ATP13A3: variants seen among roughly 807,000 people sequenced by gnomAD.
The protein encoded by ATP13A3 is polyamine-transporting ATPase 13A3.
A neutral mutation model predicts 158.1 loss-of-function variants in ATP13A3; 59 were observed. The ratio of observed to expected loss-of-function variants is 0.37; its 90% CI spans 0.30 to 0.46. The LOEUF (loss-of-function observed/expected upper bound fraction) is 0.46. Among genes scored for constraint, ATP13A3 ranks in the 20% least tolerant of loss-of-function variants. The probability of loss-of-function intolerance (pLI) is 1.00; values close to 1 mark genes in which losing one functional copy is unlikely to be tolerated. For missense variants in ATP13A3, 1,166 were observed against 1,525.2 expected (o/e 0.76, Z 3.92); for synonymous variants, 491 against 504.3 (o/e 0.97, Z 0.35).
chr3:194,461,190 CT>C (rs985155805), intron 3 of ATP13A3, among the ~76,000 whole-genome samples: 3 of 150,608 alleles, frequency 2.0e-5, no homozygotes, highest in Non-Finnish European at 3.0e-5. Context: ...ATGAGGTGGG[CT>C]TTTTTTTTAA....
chr3:194,412,205 TG>T lies in ATP13A3; in HGVS notation c.3566del (p.Pro1189HisfsTer55), dbSNP rs1715490165. On this transcript the variant is annotated frameshift_variant, in exon 33 of 34. Transcript: ENST00000645319. LOFTEE classifies it high-confidence loss of function. ...QGEYRFSTTQ[P>X]PQESVDRWGK... Reference sequence around the variant, plus strand: ...GGAAGTGCTGAGTTCCAACCTGCGGTGGCTGTGTGGTGCTGAACCGATACTC... The same window carrying T: ...GGAAGTGCTGAGTTCCAACCTGCGGTGCTGTGTGGTGCTGAACCGATACTC... 6.5e-7 allele frequency: 1 copy of T among 1,536,080 alleles called. No individual in the cohort carries two copies. The highest frequency in any genetic ancestry group is 1.2e-5 in the South Asian group (1 of 84,052).
intron 29 of ATP13A3, among the ~76,000 whole-genome samples, chr3:194,426,648 GATATA>G (rs1442597117): frequency 6.6e-6 from 1 of 152,152 alleles, no homozygotes; most frequent in Non-Finnish European, 1.5e-5. Flanking sequence ...GCGTGACCGT[GATATA>G]CAGGCAAATA....
intron 31 of ATP13A3, among the ~76,000 whole-genome samples, chr3:194,414,300 T>C (rs1341362404): frequency 6.6e-6 from 1 of 151,896 alleles, no homozygotes; most frequent in Non-Finnish European, 1.5e-5. Flanking sequence ...TCGTCTCTAC[T>C]AAAAATACAA....
rs765663136 is a variant in ATP13A3, at chr3:194,448,476, T to C, written c.1131A>G (p.Lys377=). The C allele has an allele frequency of 1.9e-6, 3 of 1,614,070 alleles. No individual in the cohort carries two copies. Among genetic ancestry groups the C allele is most frequent in the Non-Finnish European group, 1.7e-6 (2 of 1,179,922 alleles). The change falls in exon 12 of 34, where the codon AAA becomes AAG. Residue 377 remains lysine (K), a synonymous_variant. Transcript: ENST00000645319. The surrounding 1 kb of genome is among the most constrained non-coding windows in gnomAD (Gnocchi z 4.0). The stretch of plus-strand genomic sequence containing the variant: ...TCCTACCTGTTCTAACAACTATGGC[T>C]TTGACGAGTTCTCCAGTGTAGAAAC... ...QTRFYTGELV[K]AIVVRTGFST... is the part of the protein sequence containing the mutation.
rs1019404156 is a variant in ATP13A3 at position 194,403,087 on chromosome 3, A to G, written c.*2832T>C. 6.6e-5 allele frequency: 10 copies of G among 152,232 alleles called. No homozygotes were observed. Among genetic ancestry groups the G allele is most frequent in the Non-Finnish European group, 1.0e-4 (7 of 68,028 alleles). 9.4% of individuals were successfully genotyped at this position (152,232 alleles called of 1,614,324 possible). A position where few individuals can be genotyped will look rare whatever the true frequency, so the allele number is the denominator to read the frequency against. On this transcript the variant is annotated 3_prime_UTR_variant, in exon 34 of 34. Transcript: ENST00000645319. ...AAAATTGCATGCATGAATATTTTCT[A>G]AAGCTTGAATTTTGCTCTTCACTGG...
intron 30 of ATP13A3, among the ~76,000 whole-genome samples, chr3:194,421,740 T>C (rs1490948587): frequency 2.6e-5 from 4 of 151,046 alleles, no homozygotes; most frequent in Admixed American, 2.6e-4. Flanking sequence ...TGGAAGTATA[T>C]AAAAACAGAA....
intron 30 of ATP13A3, among the ~76,000 whole-genome samples, chr3:194,421,798 C>T (rs541117035): frequency 7.2e-5 from 11 of 151,768 alleles, no homozygotes; most frequent in Non-Finnish European, 1.2e-4. Flanking sequence ...ATGGTCAGAA[C>T]ATAAATGGCA....
chr3:194,430,433 T>C, intron 24 of ATP13A3, 118 bp from the exon 25 acceptor site: 1 of 1,126,372 alleles, frequency 8.9e-7, no homozygotes, highest in Non-Finnish European at 1.3e-6. Flanking sequence ...ATTCCCCCAG[T>C]GGAACTATGA....
intron 33 of ATP13A3, among the ~76,000 whole-genome samples, chr3:194,410,359 G>A (rs1715314900): frequency 7.7e-6 from 1 of 130,352 alleles, no homozygotes; most frequent in Non-Finnish European, 1.6e-5. Context: ...GCATGCACCT[G>A]TAGTTCCATC....
At chr3:194,460,025 A>T in intron 4 of ATP13A3, 54 bp from the exon 5 acceptor site, 1 of 1,360,506 alleles carries the variant, frequency 7.4e-7, no homozygotes, top group Non-Finnish European at 1.0e-6. Flanking sequence ...AAAACTGCCT[A>T]TATTTTCATT....
intron 29 of ATP13A3, among the ~76,000 whole-genome samples, chr3:194,426,663 A>G (rs771382679): frequency 1.3e-5 from 2 of 152,218 alleles, no homozygotes; most frequent in Non-Finnish European, 2.9e-5. Context: ...ACAGGCAAAT[A>G]CAAGCCAAAT....
At chr3:194,493,374 G>A (rs967963820) in intron 2 of ATP13A3, among the ~76,000 whole-genome samples, 6 of 151,776 alleles carry the variant, frequency 4.0e-5, no homozygotes, top group Admixed American at 6.6e-5. Context: ...TTAGCTGAGC[G>A]CACGGCTCAC....
chr3:194,411,017 C>A (rs1715385531), intron 33 of ATP13A3, among the ~76,000 whole-genome samples: 1 of 151,176 alleles, frequency 6.6e-6, no homozygotes, highest in African/African-American at 2.4e-5. Context: ...CCTTGTACAA[C>A]CCTAGTCATA....
intron 22 of ATP13A3, among the ~76,000 whole-genome samples, chr3:194,431,499 A>C (rs1196901880): frequency 6.6e-6 from 1 of 152,210 alleles, no homozygotes; most frequent in African/African-American, 2.4e-5. Context: ...TTGTACTTTA[A>C]AACTATGCTT....
At chr3:194,454,642 A>G (rs948962438) in intron 8 of ATP13A3, among the ~76,000 whole-genome samples, 4 of 151,992 alleles carry the variant, frequency 2.6e-5, no homozygotes, top group Non-Finnish European at 5.9e-5. Flanking sequence ...CCTGGCTAAC[A>G]CGGTGAAACC....
In ATP13A3 at chr3:194,425,361, C is replaced by A; in HGVS notation, c.3294G>T (p.Arg1098Ser). The A allele has an allele frequency of 6.2e-7, 1 of 1,612,154 alleles. No individual in the cohort carries two copies. The highest frequency in any genetic ancestry group is 8.5e-7 in the Non-Finnish European group (1 of 1,179,376). ...AIAFSKGKPF[R>S]QPCYKNYFFV... ...ACTTACAATTTTTGTAGCAAGGTTG[C>A]CTGAAGGGTTTTCCTTTTGAAAAGG... Residue 1098 changes from arginine to serine, a missense_variant, in exon 30 of 34, where the codon AGG becomes AGT. Arg to Ser is a moderately radical substitution (Grantham distance 110). Around this residue, in one of 3 missense-constraint regions of ATP13A3, gnomAD observed 997 missense variants for 1,341.2 expected, o/e 0.74. Coordinates refer to ENST00000645319, the MANE Select transcript of ATP13A3 (RefSeq NM_001367549.1).
intron 24 of ATP13A3, 101 bp from the exon 25 acceptor site, chr3:194,430,416 CA>C: frequency 7.9e-7 from 1 of 1,262,130 alleles, no homozygotes; most frequent in Non-Finnish European, 1.1e-6. Context: ...AGAGCTAACA[CA>C]CCAAGATTCC....
At chr3:194,446,856 T>C in intron 14 of ATP13A3, 71 bp downstream of exon 14, 2 of 1,373,626 alleles carry the variant, frequency 1.5e-6, no homozygotes, top group South Asian at 1.5e-5. Flanking sequence ...ACAAAGAAAA[T>C]AAAAAACATT....
chr3:194,442,369 A>AG (rs1029804812), intron 15 of ATP13A3, among the ~76,000 whole-genome samples: 3 of 152,206 alleles, frequency 2.0e-5, no homozygotes, highest in African/African-American at 7.2e-5. Context: ...AGGCTGAGGC[A>AG]GGAGGATCAT....
Sources: gnomAD v4.1 joint callset for allele counts (sites outside exome capture counted in the v4.1 genomes callset) on GRCh38, gnomAD v4.1.1 for gene constraint, gnomAD v4.1.1 regional missense constraint, Gnocchi (gnomAD v3.1) non-coding constraint, MANE v1.5 for transcripts, NCBI Gene and HGNC (gene_info 2026-07-23, HGNC 2026-07-21) for gene names.